The following DST variants were observed in gnomAD, a reference collection of about 807,000 sequenced individuals.
DST encodes the protein dystonin, also known as bullous pemphigoid antigen.
In DST, 253 loss-of-function variants were observed where a neutral mutation model predicts 875.2. That is an observed-to-expected ratio of 0.29 (90% CI 0.26 to 0.32). The LOEUF (loss-of-function observed/expected upper bound fraction) is 0.32. Among genes scored for constraint, DST ranks in the 10% least tolerant of loss-of-function variants. The probability of loss-of-function intolerance (pLI) is 1.00; values close to 1 mark genes in which losing one functional copy is unlikely to be tolerated. For missense variants in DST, 8,287 were observed against 9,111.6 expected (o/e 0.91, Z 3.68); for synonymous variants, 3,124 against 3,197.1 (o/e 0.98, Z 0.77).
intron 7 of DST, 105 bp downstream of exon 7, chr6:56,703,543 T>C: frequency 3.5e-6 from 1 of 288,802 alleles, no homozygotes; most frequent in Non-Finnish European, 5.2e-6. Context: ...GCCCTTTCTA[T>C]GCTTTTCTAA....
At chr6:56,564,379 T>A (rs1461087024) in intron 55 of DST, among the ~76,000 whole-genome samples, 1 of 152,220 alleles carries the variant, frequency 6.6e-6, no homozygotes, top group East Asian at 1.9e-4. Context: ...TGTTTGTCTA[T>A]TATTTGTGTA....
chr6:56,600,709 T>G (rs1342435684), intron 44 of DST, among the ~76,000 whole-genome samples: 2 of 152,092 alleles, frequency 1.3e-5, no homozygotes, highest in South Asian at 4.1e-4. Flanking sequence ...TATGTCTAAG[T>G]GCATTCTCAC....
intron 36 of DST, chr6:56,620,330 A>G: frequency 6.2e-7 from 1 of 1,614,134 alleles, no homozygotes; most frequent in Non-Finnish European, 8.5e-7. Context: ...AAAATTCAGG[A>G]GGTTCTCTTC....
rs2099389895 is a variant in DST, at chr6:56,714,974, A to C, written c.688-10605T>G. On this transcript the variant is annotated intron_variant, in intron 5 of 103. Coordinates refer to ENST00000680361, the MANE Select transcript of DST (RefSeq NM_001374736.1). The surrounding 1 kb of genome is among the most constrained non-coding windows in gnomAD (Gnocchi z 4.5). ...GACAATATACATAAATGTATTAATAATTTCCTTAAGAAGAAAGGGCCCTGT... is the reference window on the plus strand; with the variant it reads ...GACAATATACATAAATGTATTAATACTTTCCTTAAGAAGAAAGGGCCCTGT... Among the ~76,000 whole-genome samples, 1 of 152,200 alleles carries C rather than the reference A, an allele frequency of 6.6e-6. No individual in the cohort carries two copies. The highest frequency in any genetic ancestry group is 2.4e-5 in the African/African-American group (1 of 41,442).
chr6:56,712,053 TG>T (rs1031135327), intron 5 of DST, among the ~76,000 whole-genome samples: 56 of 137,912 alleles, frequency 4.1e-4, no homozygotes, highest in South Asian at 1.1e-3. Flanking sequence ...ATCCCGCCAC[TG>T]CACTCCAGCC....
At chr6:56,573,124 A>T in intron 51 of DST, 60 bp from the exon 52 acceptor site, 1 of 1,363,922 alleles carries the variant, frequency 7.3e-7, no homozygotes, top group Non-Finnish European at 9.8e-7. Flanking sequence ...ATGTGACAGA[A>T]TTTTTTTAAA....
chr6:56,787,771 C>T (rs377756480), intron 4 of DST, among the ~76,000 whole-genome samples: 3 of 152,076 alleles, frequency 2.0e-5, no homozygotes, highest in East Asian at 1.9e-4. Flanking sequence ...TATGAAAGTA[C>T]TATAATGTTA....
chr6:56,616,739 T>G (rs768556043), intron 36 of DST: 1 of 1,614,224 alleles, frequency 6.2e-7, no homozygotes, highest in South Asian at 1.1e-5. Flanking sequence ...TTCCAAGATA[T>G]GTTTACCTTT....
chr6:56,954,265 T>C lies in DST; in HGVS notation c.181+142A>G, dbSNP rs1824063381. The C allele has an allele frequency of 7.8e-6, 4 of 509,824 alleles. No homozygotes were observed. The East Asian group carries it at 3.1e-4, about 39-fold the overall frequency. The allele number at this position is 509,824 out of a possible 1,614,324, so 31.6% of individuals were successfully genotyped here. ...GTGACGGCAAAAAGGGCAAGGGGCG[T>C]TAAAGAAACGCACTCAGCCTGGGGA... is the stretch of plus-strand genomic sequence containing the variant. On this transcript the variant is annotated intron_variant, in intron 1 of 103. Transcript: ENST00000680361.
intron 4 of DST, among the ~76,000 whole-genome samples, chr6:56,813,558 C>A (rs1561970698): frequency 6.6e-6 from 1 of 151,968 alleles, no homozygotes; most frequent in African/African-American, 2.4e-5. Context: ...AACAGTTATT[C>A]CTTTACAATA....
Position 56,611,549 on chromosome 6 carries a change from T to C in DST, c.5106A>G (p.Ala1702=). 1 of 1,613,270 alleles carries C rather than the reference T, an allele frequency of 6.2e-7. No individual in the cohort carries two copies. ...CCAAAAAAAGCTGTATAGTTTGAAG[T>C]GCTTCCGATAATTGTTCCTTCTTGG... The part of the protein sequence containing the change: ...ISTKKEQLSE[A]LQTIQLFLAK... Residue 1702 remains alanine, a synonymous_variant, in exon 38 of 104, where the codon GCA becomes GCG. Transcript: ENST00000680361.
chr6:56,669,554 C>T (rs1164145168), intron 10 of DST, among the ~76,000 whole-genome samples: 3 of 150,458 alleles, frequency 2.0e-5, no homozygotes, highest in African/African-American at 5.0e-5. Flanking sequence ...TGAGATCATG[C>T]CACTGCACTC....
At chr6:56,847,039 A>G (rs1004872402) in intron 4 of DST, among the ~76,000 whole-genome samples, 2 of 148,522 alleles carry the variant, frequency 1.3e-5, no homozygotes, top group Non-Finnish European at 3.0e-5. Context: ...GAAGTTGGCC[A>G]GGCCCTGTGG....
chr6:56,879,963 TACTAA>T (rs1030229630), intron 3 of DST, among the ~76,000 whole-genome samples: 4 of 152,290 alleles, frequency 2.6e-5, no homozygotes, highest in African/African-American at 4.8e-5. Flanking sequence ...CCTAGCCCAT[TACTAA>T]AGTAGGTGCT....
intron 4 of DST, among the ~76,000 whole-genome samples, chr6:56,809,609 T>G (rs2099757400): frequency 6.6e-6 from 1 of 152,200 alleles, no homozygotes; most frequent in African/African-American, 2.4e-5. Context: ...TTTAATAAAT[T>G]TTTGGCTGAT....
At position 56,526,489 on chromosome 6, in the gene DST, C is replaced by T. The variant is rs750420940; in HGVS notation, c.18001G>A (p.Val6001Ile). 5.0e-6 allele frequency: 8 copies of T among 1,613,886 alleles called. No individual in the cohort carries two copies. In the South Asian group the frequency reaches 8.8e-5, roughly 18 times the overall value. ...AGTCCTTCTCTTGCCCTCCATGGTA[C>T]CAGTTCCAGCAAAGCACTGCTCACT... The part of the protein sequence containing the change: ...NEVSSALLEL[V>I]PWRAREGLEK... Residue 6001 changes from valine (V) to isoleucine (I), a missense_variant, in exon 69 of 104, where the codon GTA becomes ATA. Val to Ile is a conservative substitution (Grantham distance 29, BLOSUM62 3). Coordinates refer to ENST00000680361, the MANE Select transcript of DST (RefSeq NM_001374736.1).
chr6:56,783,508 T>C (rs2099698651), intron 4 of DST, among the ~76,000 whole-genome samples: 1 of 152,186 alleles, frequency 6.6e-6, no homozygotes, highest in Non-Finnish European at 1.5e-5. Context: ...TGATCTTTGT[T>C]GGTTTAAAGT....
intron 4 of DST, among the ~76,000 whole-genome samples, chr6:56,807,089 C>T (rs955853380): frequency 6.6e-6 from 1 of 152,106 alleles, no homozygotes; most frequent in Admixed American, 6.5e-5. Flanking sequence ...CTCGCTCTGT[C>T]CCCCAGGCTG....
At chr6:56,464,157 G>A (rs2094468091) in intron 100 of DST, 1 of 363,154 alleles carries the variant, frequency 2.8e-6, no homozygotes, top group Non-Finnish European at 5.3e-6. Context: ...GTAAGGCAGG[G>A]ACTGTGTCTT....
Sources: allele counts gnomAD v4.1 joint callset (sites outside exome capture counted in the v4.1 genomes callset), GRCh38; gene constraint gnomAD v4.1.1; non-coding constraint Gnocchi (gnomAD v3.1); transcripts MANE v1.5; gene names NCBI Gene and HGNC (gene_info 2026-07-23, HGNC 2026-07-21).